GPR158: variants seen among roughly 807,000 people sequenced by gnomAD.
The protein encoded by GPR158 is G protein-coupled receptor 158.
In GPR158, 30 loss-of-function variants were observed where a neutral mutation model predicts 78.2. The ratio of observed to expected loss-of-function variants is 0.38; its 90% CI spans 0.29 to 0.52. The LOEUF (loss-of-function observed/expected upper bound fraction) is 0.52. Among genes scored for constraint, GPR158 ranks in the 20% least tolerant of loss-of-function variants. The pLI is 0.83. For missense variants in GPR158, 1,463 were observed against 1,523.5 expected, an observed-to-expected ratio of 0.96 and a Z score of 0.66; for synonymous variants, 581 against 591.1, an observed-to-expected ratio of 0.98 and a Z score of 0.25.
intron 2 of GPR158, among the ~76,000 whole-genome samples, chr10:25,230,795 T>G (rs1564396866): frequency 6.6e-6 from 1 of 152,200 alleles, no homozygotes; most frequent in Non-Finnish European, 1.5e-5. Flanking sequence ...ATTATAAATT[T>G]GAATGTCACG....
At chr10:25,456,777 AATG>A (rs1338972012) in intron 4 of GPR158, among the ~76,000 whole-genome samples, 1 of 149,956 alleles carries the variant, frequency 6.7e-6, no homozygotes, top group East Asian at 1.9e-4. Flanking sequence ...TTTTTAAAAA[AATG>A]ATGTCAAACT....
chr10:25,480,559 G>T (rs1835653055), intron 5 of GPR158, among the ~76,000 whole-genome samples: 1 of 151,938 alleles, frequency 6.6e-6, no homozygotes, highest in African/African-American at 2.4e-5. Context: ...CCTTTTCCAG[G>T]GCCTTCACAT....
At chr10:25,465,047 A>G (rs965836778) in intron 4 of GPR158, among the ~76,000 whole-genome samples, 1 of 151,976 alleles carries the variant, frequency 6.6e-6, no homozygotes, top group Non-Finnish European at 1.5e-5. Context: ...TTTTTTTTTG[A>G]GGGTTACACA....
At chr10:25,211,640 G>A (rs552062424) in intron 1 of GPR158, among the ~76,000 whole-genome samples, 12 of 152,234 alleles carry the variant, frequency 7.9e-5, no homozygotes, top group African/African-American at 2.9e-4. Flanking sequence ...CCTAACACAC[G>A]AACTCTGGGG....
chr10:25,556,865 C>G (rs1214958040), intron 6 of GPR158, among the ~76,000 whole-genome samples: 1 of 152,076 alleles, frequency 6.6e-6, no homozygotes, highest in Non-Finnish European at 1.5e-5. Context: ...AGTGACCTTT[C>G]AGAACTAACT....
chr10:25,251,511 G>C (rs970242223), intron 2 of GPR158, among the ~76,000 whole-genome samples: 92 of 151,290 alleles, frequency 6.1e-4, no homozygotes, highest in African/African-American at 1.9e-3. Context: ...CAGGTCTGGT[G>C]GTGACAAAAT....
At chr10:25,327,781 C>A (rs540568472) in intron 2 of GPR158, among the ~76,000 whole-genome samples, 1 of 151,868 alleles carries the variant, frequency 6.6e-6, no homozygotes, top group Non-Finnish European at 1.5e-5. Flanking sequence ...TAAAAGAGAG[C>A]AAAAGGAAAG....
At chr10:25,354,908 A>G (rs571133449) in intron 2 of GPR158, among the ~76,000 whole-genome samples, 12 of 152,022 alleles carry the variant, frequency 7.9e-5, no homozygotes, top group Admixed American at 3.3e-4. Flanking sequence ...TATGGTTTCT[A>G]TTGAGAAGTC....
chr10:25,439,413 A>G (rs1235392256), intron 4 of GPR158, among the ~76,000 whole-genome samples: 1 of 152,212 alleles, frequency 6.6e-6, no homozygotes, highest in African/African-American at 2.4e-5. Context: ...CGTGGGAATT[A>G]TAGGAATACA....
intron 7 of GPR158, among the ~76,000 whole-genome samples, chr10:25,575,575 A>G (rs549723827): frequency 5.9e-5 from 9 of 152,164 alleles, no homozygotes; most frequent in African/African-American, 1.9e-4. Flanking sequence ...GGTGATTCTC[A>G]TATTACTCTA....
intron 5 of GPR158, among the ~76,000 whole-genome samples, chr10:25,531,520 C>T (rs543706833): frequency 6.6e-6 from 1 of 152,168 alleles, no homozygotes; most frequent in South Asian, 2.1e-4. Flanking sequence ...ATTTTCAGCC[C>T]TTTTTATTTG....
chr10:25,341,717 G>A (rs1172346216), intron 2 of GPR158, among the ~76,000 whole-genome samples: 1 of 151,358 alleles, frequency 6.6e-6, no homozygotes, highest in Non-Finnish European at 1.5e-5. Context: ...TTATTTTTTA[G>A]TATTTTTTAC....
chr10:25,406,546 A>G (rs935690331), intron 3 of GPR158, among the ~76,000 whole-genome samples: 1 of 152,204 alleles, frequency 6.6e-6, no homozygotes, highest in African/African-American at 2.4e-5. Context: ...CAGCTGGGAA[A>G]CACGGACGCC....
chr10:25,361,959 A>G (rs146012389), intron 2 of GPR158, among the ~76,000 whole-genome samples: 1 of 151,942 alleles, frequency 6.6e-6, no homozygotes, highest in Non-Finnish European at 1.5e-5. Flanking sequence ...CCTTCAGTGC[A>G]CAAAACTTTT....
chr10:25,512,870 TG>T (rs1409569441), intron 5 of GPR158, among the ~76,000 whole-genome samples: 21 of 152,294 alleles, frequency 1.4e-4, no homozygotes, highest in Admixed American at 1.4e-3. Context: ...TCTGCATCCC[TG>T]GTATGAAATC....
intron 2 of GPR158, among the ~76,000 whole-genome samples, chr10:25,333,169 G>A (rs1055643933): frequency 6.6e-6 from 1 of 151,988 alleles, no homozygotes; most frequent in Non-Finnish European, 1.5e-5. Flanking sequence ...ACTCTTCTTC[G>A]TATGACTTTT....
At chr10:25,381,197 C>T (rs1169507684) in intron 2 of GPR158, among the ~76,000 whole-genome samples, 1 of 152,140 alleles carries the variant, frequency 6.6e-6, no homozygotes, top group African/African-American at 2.4e-5. Context: ...AGAAGTGTCT[C>T]ATTCTGCAGA....
intron 4 of GPR158, among the ~76,000 whole-genome samples, chr10:25,417,421 T>A (rs1406862776): frequency 6.6e-6 from 1 of 152,144 alleles, no homozygotes; most frequent in Non-Finnish European, 1.5e-5. Context: ...TAGACACACA[T>A]GGTTCTCTTT....
intron 2 of GPR158, among the ~76,000 whole-genome samples, chr10:25,368,694 A>G (rs1833940656): frequency 1.3e-5 from 2 of 151,914 alleles, no homozygotes; most frequent in South Asian, 4.2e-4. Flanking sequence ...AAAGACCTAA[A>G]AACAATTCTG....
Sources: allele counts gnomAD v4.1 joint callset (sites outside exome capture counted in the v4.1 genomes callset), GRCh38; gene constraint gnomAD v4.1.1; transcripts MANE v1.5; gene names NCBI Gene and HGNC (gene_info 2026-07-23, HGNC 2026-07-21).